The following WDR70 variants were observed in gnomAD, a reference collection of about 807,000 sequenced individuals.
WDR70 encodes the protein WD repeat domain 70.
In WDR70, 53 loss-of-function variants were observed where a neutral mutation model predicts 88.6. The ratio of observed to expected loss-of-function variants is 0.60; its 90% CI spans 0.48 to 0.75. WDR70 has a LOEUF of 0.75. Ranked by LOEUF, WDR70 falls within the 30% of genes least tolerant of loss-of-function variation. The pLI is 0.00. For synonymous variants in WDR70, 280 were observed against 270.0 expected (o/e 1.04, Z -0.36); for missense variants, 610 against 823.2 (o/e 0.74, Z 3.17).
chr5:37,414,160 AAAAG>A (rs1749619800), intron 5 of WDR70, among the ~76,000 whole-genome samples: 1 of 151,548 alleles, frequency 6.6e-6, no homozygotes, highest in Non-Finnish European at 1.5e-5. Context: ...AAAAAAAAAA[AAAAG>A]AAAATATATA....
intron 5 of WDR70, among the ~76,000 whole-genome samples, chr5:37,419,212 C>T (rs1402161548): frequency 2.8e-5 from 4 of 144,916 alleles, no homozygotes; most frequent in Admixed American, 2.8e-4. Context: ...TAAAGTGTTT[C>T]TTTTTTTTTT....
chr5:37,551,303 TC>T (rs1262510314), intron 9 of WDR70, among the ~76,000 whole-genome samples: 2 of 146,038 alleles, frequency 1.4e-5, no homozygotes, highest in African/African-American at 5.1e-5. Flanking sequence ...AAAACTTTGT[TC>T]CCCCCCTCCG....
At chr5:37,553,135 A>G (rs1742191677) in intron 9 of WDR70, among the ~76,000 whole-genome samples, 1 of 152,236 alleles carries the variant, frequency 6.6e-6, no homozygotes, top group Admixed American at 6.5e-5. Flanking sequence ...CTTTAAGCCA[A>G]CAGAGTAAAC....
intron 7 of WDR70, among the ~76,000 whole-genome samples, chr5:37,448,765 A>G (rs1738575324): frequency 6.6e-6 from 1 of 151,828 alleles, no homozygotes; most frequent in Admixed American, 6.6e-5. Context: ...TGATTCCTCC[A>G]AGATACCACA....
chr5:37,487,115 A>C (rs1169528132), intron 8 of WDR70, among the ~76,000 whole-genome samples: 1 of 152,222 alleles, frequency 6.6e-6, no homozygotes, highest in Non-Finnish European at 1.5e-5. Flanking sequence ...CCAGCATACA[A>C]AAAACTACTA....
intron 8 of WDR70, among the ~76,000 whole-genome samples, chr5:37,499,168 C>T (rs1461161215): frequency 6.6e-6 from 1 of 151,184 alleles, no homozygotes. Context: ...GGCTGGAGTA[C>T]AGTGGTGCAG....
chr5:37,728,215 G>A (rs935054408), intron 17 of WDR70, among the ~76,000 whole-genome samples: 4 of 151,758 alleles, frequency 2.6e-5, no homozygotes, highest in Non-Finnish European at 5.9e-5. Context: ...AGGTGTGGTG[G>A]CATGCACCTG....
At position 37,505,774 on chromosome 5, in the gene WDR70, CT is replaced by C. The variant is rs1343192110; in HGVS notation, c.841-10738del. 3 of 1,407,564 alleles carry C rather than the reference CT, an allele frequency of 2.1e-6. No homozygotes were observed. The Admixed American group carries it at 5.0e-5, about 24-fold the overall frequency. The allele number at this position is 1,407,564 out of a possible 1,614,324, so 87.2% of individuals were successfully genotyped here. On this transcript the variant is annotated intron_variant, in intron 8 of 17. Transcript: ENST00000265107. The stretch of plus-strand genomic sequence containing the variant: ...ACGTTGGACCCTCTCAAGTTGGCTT[CT>C]TGAAGATCACACCCAGACAGATCAC...
chr5:37,516,515 G>A lies in WDR70; in HGVS notation c.842G>A (p.Gly281Asp). ...QYIVDMANTK[G>D]HTAMLHTGSW... ...TTCCCCTTTGTCTTTATTTTTAAGG[G>A]TCATACAGCAATGCTTCATACTGGC... is the stretch of plus-strand genomic sequence containing the variant. Residue 281 changes from glycine to aspartate, a missense_variant and splice_region_variant, in exon 9 of 18, where the codon GGT becomes GAT. Gly to Asp is a moderately conservative substitution (Grantham distance 94). Transcript: ENST00000265107. The A allele has an allele frequency of 6.3e-7, 1 of 1,587,578 alleles. No individual in the cohort carries two copies.
chr5:37,497,267 C>T (rs966363590), intron 8 of WDR70, among the ~76,000 whole-genome samples: 3 of 142,960 alleles, frequency 2.1e-5, no homozygotes, highest in African/African-American at 7.7e-5. Flanking sequence ...CTCCCTTCCT[C>T]CCTCCCTTTT....
At chr5:37,392,739 G>T (rs181821211) in intron 4 of WDR70, among the ~76,000 whole-genome samples, 1 of 152,068 alleles carries the variant, frequency 6.6e-6, no homozygotes, top group African/African-American at 2.4e-5. Flanking sequence ...CTGCTTCCTG[G>T]GTTCAAGTGA....
At chr5:37,610,801 G>A (rs1420723970) in intron 10 of WDR70, among the ~76,000 whole-genome samples, 1 of 152,136 alleles carries the variant, frequency 6.6e-6, no homozygotes, top group Non-Finnish European at 1.5e-5. Flanking sequence ...TCTGAAAGGT[G>A]CACAGTTTGG....
intron 10 of WDR70, among the ~76,000 whole-genome samples, chr5:37,692,883 A>G (rs1746849210): frequency 1.5e-5 from 2 of 137,768 alleles, no homozygotes; most frequent in African/African-American, 5.0e-5. Context: ...CAGGCAAGAG[A>G]AAGAAATAAA....
rs928089017 is a variant in WDR70, at chr5:37,391,938, C to G, written c.176-62C>G. 2.6e-6 allele frequency: 4 copies of G among 1,539,230 alleles called. No individual in the cohort carries two copies. The African/African-American group carries it at 5.6e-5, about 21-fold the overall frequency. On this transcript the variant is annotated intron_variant, in intron 3 of 17. Transcript: ENST00000265107. ...ATGTTAATTTTTAGCCTTTCTAATA[C>G]TAACATATTTTGAATTGTAACCGTT...
At chr5:37,559,898 A>C (rs2112372451) in intron 9 of WDR70, among the ~76,000 whole-genome samples, 1 of 151,756 alleles carries the variant, frequency 6.6e-6, no homozygotes, top group African/African-American at 2.4e-5. Context: ...ATTGACTCTT[A>C]CTGTCCCTTA....
intron 10 of WDR70, chr5:37,620,182 T>G (rs534130385): frequency 6.9e-4 from 105 of 152,056 alleles, no homozygotes; most frequent in African/African-American, 2.5e-3. Context: ...CAGATATAAT[T>G]TTAAAGATAC....
At chr5:37,639,525 G>A (rs1340716034) in intron 10 of WDR70, among the ~76,000 whole-genome samples, 4 of 152,166 alleles carry the variant, frequency 2.6e-5, no homozygotes, top group Admixed American at 1.3e-4. Context: ...TTCCTTTGTT[G>A]TTGTTGTTGT....
intron 10 of WDR70, among the ~76,000 whole-genome samples, chr5:37,618,776 T>C (rs1466333856): frequency 6.6e-6 from 1 of 152,142 alleles, no homozygotes; most frequent in Non-Finnish European, 1.5e-5. Context: ...GAGGAGAGGA[T>C]TGGCATTATT....
In WDR70 at chr5:37,646,629, G is replaced by C. The variant is rs536344847; in HGVS notation, c.1092+41391G>C. Among the ~76,000 whole-genome samples the C allele has an allele frequency of 8.9e-4, 135 of 152,148 alleles. 1 individual carries two copies. Among genetic ancestry groups the C allele is most frequent in the Admixed American group, 9.8e-4 (15 of 15,280 alleles). On this transcript the variant is annotated intron_variant, in intron 10 of 17. Coordinates refer to ENST00000265107, the MANE Select transcript of WDR70 (RefSeq NM_018034.4). ...TTCATGTTTGAAGGATATTTTCACT[G>C]TCCATACTATTCTAGGGTAAAAGTG...
Sources: gnomAD v4.1 joint callset for allele counts (sites outside exome capture counted in the v4.1 genomes callset) on GRCh38, gnomAD v4.1.1 for gene constraint, MANE v1.5 for transcripts, NCBI Gene and HGNC (gene_info 2026-07-23, HGNC 2026-07-21) for gene names.